The following SSH2 variants were observed in gnomAD, a reference collection of about 807,000 sequenced individuals.
The protein encoded by SSH2 is slingshot protein phosphatase 2.
In SSH2, 37 loss-of-function variants were observed where a neutral mutation model predicts 135.2. The observed-to-expected ratio is 0.27, with a 90% CI of 0.21 to 0.36. The LOEUF (loss-of-function observed/expected upper bound fraction) is 0.36, where lower values mean the gene tolerates loss of function less well. Among genes scored for constraint, SSH2 ranks in the 10% least tolerant of loss-of-function variants. The pLI is 1.00. For synonymous variants in SSH2, 628 were observed against 646.2 expected (o/e 0.97, Z 0.43); for missense variants, 1,408 against 1,765.3 (o/e 0.80, Z 3.63).
intron 2 of SSH2, among the ~76,000 whole-genome samples, chr17:29,794,458 A>G (rs1232778866): frequency 6.6e-6 from 1 of 152,204 alleles, no homozygotes; most frequent in Non-Finnish European, 1.5e-5. Flanking sequence ...ATTTAAGTAC[A>G]TTACTGTACT....
chr17:29,671,884 C>T (rs1160884001), intron 9 of SSH2, 51 bp downstream of exon 9: 4 of 1,494,418 alleles, frequency 2.7e-6, no homozygotes, highest in Non-Finnish European at 3.7e-6. Context: ...TCTTATGACT[C>T]CTCAGGACAT....
At chr17:29,698,248 T>C (rs2038839983) in intron 4 of SSH2, among the ~76,000 whole-genome samples, 1 of 152,144 alleles carries the variant, frequency 6.6e-6, no homozygotes, top group Non-Finnish European at 1.5e-5. Context: ...GCGATAAAAA[T>C]GTTCTAAAAT....
chr17:29,714,059 A>C (rs890444590), intron 3 of SSH2, among the ~76,000 whole-genome samples: 6 of 152,130 alleles, frequency 3.9e-5, no homozygotes, highest in African/African-American at 1.2e-4. Flanking sequence ...TGAATCAACA[A>C]AGCTTCTTGG....
chr17:29,872,772 G>T lies in SSH2; in HGVS notation c.64-23843C>A, dbSNP rs114963940. The stretch of plus-strand genomic sequence containing the variant: ...AGCACTTTGGGAGGCGAGGCAGGTG[G>T]ATAGCTTGAGTCCAAGAGTTCGAGA... On this transcript the variant is annotated intron_variant, in intron 1 of 15. Coordinates refer to ENST00000540801, the MANE Select transcript of SSH2 (RefSeq NM_001282129.2). Among the ~76,000 whole-genome samples, 817 of 152,204 alleles carry T rather than the reference G, an allele frequency of 5.4e-3. 7 individuals carry two copies. The highest frequency in any genetic ancestry group is 0.019 in the African/African-American group (772 of 41,526).
intron 11 of SSH2, among the ~76,000 whole-genome samples, chr17:29,656,327 C>T (rs959690936): frequency 1.3e-5 from 2 of 152,054 alleles, no homozygotes; most frequent in Middle Eastern, 3.2e-3. Context: ...CAGGTGCGCG[C>T]CACCATGCCC....
chr17:29,832,711 C>T (rs907489826), intron 2 of SSH2, among the ~76,000 whole-genome samples: 4 of 152,108 alleles, frequency 2.6e-5, no homozygotes, highest in African/African-American at 9.7e-5. Context: ...TACCCTACTG[C>T]CCAGGCTGGA....
At chr17:29,770,092 G>GT (rs563803251) in intron 3 of SSH2, among the ~76,000 whole-genome samples, 3,172 of 72,874 alleles carry the variant, frequency 0.044, 238 homozygotes, top group East Asian at 0.13. Flanking sequence ...GCTATATTTA[G>GT]TTTTTTTTTT....
Position 29,865,402 on chromosome 17 carries a change from C to T in SSH2, c.64-16473G>A, listed in dbSNP as rs138084247. Among the ~76,000 whole-genome samples the T allele has an allele frequency of 2.7e-4, 41 of 152,294 alleles. No individual in the cohort carries two copies. In the East Asian group the frequency reaches 6.6e-3, roughly 24 times the overall value. ...GCAGGAAAGCTTTACAACCCAGTTT[C>T]CTATCCAGTCTATAAAATAAAGAGG... On this transcript the variant is annotated intron_variant, in intron 1 of 15. Transcript: ENST00000540801.
chr17:29,861,283 T>C (rs1384692512), intron 1 of SSH2, among the ~76,000 whole-genome samples: 1 of 152,154 alleles, frequency 6.6e-6, no homozygotes, highest in Non-Finnish European at 1.5e-5. Context: ...GGCATCTGTG[T>C]CATAAAATCT....
chr17:29,682,476 T>C (rs927027164), intron 6 of SSH2, among the ~76,000 whole-genome samples: 2 of 152,196 alleles, frequency 1.3e-5, no homozygotes, highest in Non-Finnish European at 2.9e-5. Flanking sequence ...TTTCATTTAA[T>C]TTTAATCTAT....
intron 3 of SSH2, chr17:29,787,411 A>G (rs916861465): frequency 3.3e-5 from 5 of 152,256 alleles, no homozygotes; most frequent in African/African-American, 9.6e-5. Flanking sequence ...TCTCTTGGCT[A>G]TTGTGAATAA....
chr17:29,767,008 G>T (rs80114093), intron 3 of SSH2, among the ~76,000 whole-genome samples: 2,985 of 152,166 alleles, frequency 0.02, 95 homozygotes, highest in African/African-American at 0.067. Context: ...ATCACCATGT[G>T]GCTAATTTTT....
chr17:29,772,942 C>T (rs2041617924), intron 3 of SSH2, among the ~76,000 whole-genome samples: 1 of 152,070 alleles, frequency 6.6e-6, no homozygotes, highest in African/African-American at 2.4e-5. Context: ...CTACCAGTAT[C>T]CCGGTGTCTC....
In SSH2 at chr17:29,781,252, C is replaced by T. The variant is rs116499163; in HGVS notation, c.188+12642G>A. Among the ~76,000 whole-genome samples, 778 of 152,188 alleles carry T rather than the reference C, an allele frequency of 5.1e-3. 8 individuals are homozygous for T. Among genetic ancestry groups the T allele is most frequent in the African/African-American group, 0.018 (736 of 41,512 alleles). ...ATGGGCAAAATAGTATATATATTGT[C>T]ATGATATTTAAATCCATAGAAAAAT... is the stretch of plus-strand genomic sequence containing the variant. On this transcript the variant is annotated intron_variant, in intron 3 of 15. Coordinates refer to ENST00000540801, the MANE Select transcript of SSH2 (RefSeq NM_001282129.2).
chr17:29,893,309 G>A (rs570432871), intron 1 of SSH2, among the ~76,000 whole-genome samples: 1 of 152,126 alleles, frequency 6.6e-6, no homozygotes, highest in East Asian at 1.9e-4. Flanking sequence ...GGGGGTGGGG[G>A]AGAATTGCTA....
intron 1 of SSH2, among the ~76,000 whole-genome samples, chr17:29,861,231 T>G (rs2151406652): frequency 6.6e-6 from 1 of 152,310 alleles, no homozygotes; most frequent in South Asian, 2.1e-4. Context: ...TTAGTTTAAT[T>G]AGAGTCAACT....
chr17:29,892,358 G>A (rs968234546), intron 1 of SSH2, among the ~76,000 whole-genome samples: 3 of 151,952 alleles, frequency 2.0e-5, no homozygotes, highest in Admixed American at 1.3e-4. Flanking sequence ...TGTGGATGAG[G>A]GTGTTGCTCT....
intron 12 of SSH2, among the ~76,000 whole-genome samples, chr17:29,652,803 G>A (rs972620416): frequency 5.9e-5 from 9 of 152,024 alleles, no homozygotes; most frequent in African/African-American, 2.2e-4. Context: ...GATTACAGGT[G>A]TGCGCCACCA....
At chr17:29,705,841 C>A (rs2039177055) in intron 3 of SSH2, among the ~76,000 whole-genome samples, 2 of 152,182 alleles carry the variant, frequency 1.3e-5, no homozygotes, top group Non-Finnish European at 1.5e-5. Context: ...GCTCCTTCCC[C>A]CAATTCCAAT....
Sources: allele counts gnomAD v4.1 joint callset (sites outside exome capture counted in the v4.1 genomes callset), GRCh38; gene constraint gnomAD v4.1.1; transcripts MANE v1.5; gene names NCBI Gene and HGNC (gene_info 2026-07-23, HGNC 2026-07-21).